The following CDK14 variants were observed in gnomAD, a reference collection of about 807,000 sequenced individuals.
CDK14 encodes the protein cyclin dependent kinase 14.
In CDK14, 34 loss-of-function variants were observed where a neutral mutation model predicts 60.7. The ratio of observed to expected loss-of-function variants is 0.56; its 90% CI spans 0.43 to 0.75. The LOEUF (loss-of-function observed/expected upper bound fraction) is 0.75, where lower values mean the gene tolerates loss of function less well. CDK14 is among the 30% of genes least tolerant of loss of function. CDK14 has a pLI of 0.00. For synonymous variants in CDK14, 197 were observed against 203.7 expected, an observed-to-expected ratio of 0.97 and a Z score of 0.28; for missense variants, 482 against 564.1, an observed-to-expected ratio of 0.85 and a Z score of 1.47.
At chr7:90,613,579 T>A (rs2116347648) in intron 2 of CDK14, among the ~76,000 whole-genome samples, 1 of 151,650 alleles carries the variant, frequency 6.6e-6, no homozygotes, top group South Asian at 2.1e-4. Flanking sequence ...CCCAGCTACT[T>A]GGGAGGCCGA....
chr7:90,948,236 GA>G (rs1794157073), intron 8 of CDK14, among the ~76,000 whole-genome samples: 1 of 152,092 alleles, frequency 6.6e-6, no homozygotes, highest in African/African-American at 2.4e-5. Flanking sequence ...TCTAGCATTG[GA>G]ATAATAACCA....
intron 7 of CDK14, among the ~76,000 whole-genome samples, chr7:90,915,407 C>T (rs1793049551): frequency 6.6e-6 from 1 of 152,052 alleles, no homozygotes; most frequent in African/African-American, 2.4e-5. Flanking sequence ...CCACTGTGCT[C>T]CAAAAAGTAC....
intron 6 of CDK14, among the ~76,000 whole-genome samples, chr7:90,886,019 G>A (rs935021773): frequency 9.2e-5 from 14 of 152,008 alleles, no homozygotes; most frequent in East Asian, 3.8e-4. Flanking sequence ...CATATATCTC[G>A]TTTTTCTTTA....
rs1562817496 is a variant in CDK14, at chr7:90,895,349, TCCTCTCCTCACCTCTCCTCCCCTCCCCTC to T, written c.640-3941_640-3913del. Among the ~76,000 whole-genome samples, 26 of 88,728 alleles carry T rather than the reference TCCTCTCCTCACCTCTCCTCCCCTCCCCTC, an allele frequency of 2.9e-4. 1 individual carries two copies. The highest frequency in any genetic ancestry group is 1.4e-3 in the South Asian group (3 of 2,122). 58.2% of individuals were successfully genotyped at this position (88,728 alleles called of 152,430 possible). On this transcript the variant is annotated intron_variant, in intron 6 of 14. Transcript: ENST00000380050. The stretch of plus-strand genomic sequence containing the variant: ...TCCTTTCCTCTCCTCTCCTCTCCTC[TCCTCTCCTCACCTCTCCTCCCCTCCCCTC>T]TCCTCTCCTCTCCTCTCCTCTCCTC...
intron 14 of CDK14, among the ~76,000 whole-genome samples, chr7:91,197,527 A>G (rs1802585819): frequency 6.6e-6 from 1 of 152,046 alleles, no homozygotes; most frequent in Non-Finnish European, 1.5e-5. Flanking sequence ...TCTGCAATGT[A>G]CCTCCTATTG....
chr7:90,815,367 G>A (rs1260985456), intron 5 of CDK14, among the ~76,000 whole-genome samples: 1 of 152,196 alleles, frequency 6.6e-6, no homozygotes, highest in Non-Finnish European at 1.5e-5. Flanking sequence ...ACCACTATGA[G>A]ATATCATCTC....
chr7:91,145,983 A>G (rs988740325), intron 14 of CDK14, among the ~76,000 whole-genome samples: 3 of 151,962 alleles, frequency 2.0e-5, no homozygotes, highest in African/African-American at 7.3e-5. Flanking sequence ...CACAGATTAA[A>G]TATCCTTTTA....
rs149963209 is a variant in CDK14 at position 90,606,785 on chromosome 7, A to G, written c.123+2536A>G. ...TTGAATGTGAGTAAATATCTATTGT[A>G]GAGGAGTAGAGAGAGTGATGAATTA... is the stretch of plus-strand genomic sequence containing the variant. On this transcript the variant is annotated intron_variant, in intron 2 of 14. Coordinates refer to ENST00000380050, the MANE Select transcript of CDK14 (RefSeq NM_001287135.2). Among the ~76,000 whole-genome samples the G allele has an allele frequency of 1.8e-3, 268 of 152,314 alleles. 5 individuals are homozygous for G. In the East Asian group the frequency reaches 0.021, roughly 12 times the overall value.
At chr7:90,806,827 G>C (rs989811966) in intron 5 of CDK14, among the ~76,000 whole-genome samples, 1 of 152,182 alleles carries the variant, frequency 6.6e-6, no homozygotes, top group South Asian at 2.1e-4. Flanking sequence ...TATATCCCGT[G>C]CCTGGCTCTG....
intron 3 of CDK14, among the ~76,000 whole-genome samples, chr7:90,737,560 A>G (rs1584840905): frequency 6.6e-6 from 1 of 152,138 alleles, no homozygotes; most frequent in Non-Finnish European, 1.5e-5. Flanking sequence ...GGTTGTTACC[A>G]TGTGTGGTGT....
chr7:91,095,346 G>C (rs1798952319), intron 12 of CDK14, among the ~76,000 whole-genome samples: 1 of 152,216 alleles, frequency 6.6e-6, no homozygotes, highest in Non-Finnish European at 1.5e-5. Flanking sequence ...GAGAGTGAGA[G>C]AAGAGGAGAC....
chr7:91,110,514 A>C (rs1211500595), intron 12 of CDK14, among the ~76,000 whole-genome samples: 1 of 152,170 alleles, frequency 6.6e-6, no homozygotes, highest in Non-Finnish European at 1.5e-5. Flanking sequence ...ATTTTTCAAT[A>C]GATGAGAAAA....
Position 91,054,352 on chromosome 7 carries a change from CA to C in CDK14, c.1105+8394del, listed in dbSNP as rs577428721. 2.8e-3 allele frequency among the ~76,000 whole-genome samples: 428 copies of C among 152,196 alleles called. 2 individuals carry two copies. Among genetic ancestry groups the C allele is most frequent in the African/African-American group, 9.7e-3 (403 of 41,528 alleles). ...AAAAGCCTTGTGGGTCTGCTTGACA[CA>C]AGCCTTAGGGTATTTAGAGCTCTCC... On this transcript the variant is annotated intron_variant, in intron 11 of 14. Transcript: ENST00000380050.
chr7:90,694,648 G>A (rs1252941316), intron 2 of CDK14, among the ~76,000 whole-genome samples: 1 of 152,072 alleles, frequency 6.6e-6, no homozygotes, highest in Non-Finnish European at 1.5e-5. Flanking sequence ...ATTCAATGTA[G>A]TATTAACATT....
intron 5 of CDK14, among the ~76,000 whole-genome samples, chr7:90,846,880 C>T (rs1790486968): frequency 6.6e-6 from 1 of 152,208 alleles, no homozygotes; most frequent in African/African-American, 2.4e-5. Context: ...TTCCTCCCTT[C>T]ACCCTTATCA....
At chr7:90,709,781 T>A in intron 2 of CDK14, 1 of 1,427,386 alleles carries the variant, frequency 7.0e-7, no homozygotes, top group Non-Finnish European at 9.2e-7. Flanking sequence ...TTTTTTTTTT[T>A]TGCTTGCTTA....
chr7:90,685,070 A>C (rs1458952551), intron 2 of CDK14, among the ~76,000 whole-genome samples: 1 of 151,706 alleles, frequency 6.6e-6, no homozygotes. Context: ...TCACCATTCT[A>C]ATATGAGAAA....
chr7:91,057,303 T>A (rs1375180368), intron 11 of CDK14, among the ~76,000 whole-genome samples: 1 of 152,176 alleles, frequency 6.6e-6, no homozygotes, highest in Non-Finnish European at 1.5e-5. Flanking sequence ...TTCTGGATAT[T>A]AGCCCTTTGT....
chr7:90,963,086 A>AGAGTGTGTGT (rs146903374), intron 9 of CDK14, among the ~76,000 whole-genome samples: 11,862 of 142,064 alleles, frequency 0.083, 579 homozygotes, highest in Middle Eastern at 0.098. Context: ...TCATCTTAAG[A>AGAGTGTGTGT]GTGTGTGTGT....
Sources: gnomAD v4.1 joint callset for allele counts (sites outside exome capture counted in the v4.1 genomes callset) on GRCh38, gnomAD v4.1.1 for gene constraint, MANE v1.5 for transcripts, NCBI Gene and HGNC (gene_info 2026-07-23, HGNC 2026-07-21) for gene names.